PSMA1: variants seen among roughly 807,000 people sequenced by gnomAD.
PSMA1 encodes proteasome subunit alpha type-1.
PSMA1 carries 3 observed loss-of-function variants against 38.4 expected under a neutral mutation model. That is an observed-to-expected ratio of 0.08 (90% CI 0.04 to 0.20). The LOEUF (loss-of-function observed/expected upper bound fraction) is 0.20. PSMA1 is among the 10% of genes least tolerant of loss of function. PSMA1 has a pLI of 1.00. For synonymous variants in PSMA1, 101 were observed against 107.1 expected (o/e 0.94, Z 0.35); for missense variants, 227 against 325.3 (o/e 0.70, Z 2.32).
chr11:14,508,910 G>A (rs148593956), intron 8 of PSMA1, among the ~76,000 whole-genome samples: 1 of 101,222 alleles, frequency 9.9e-6, no homozygotes, highest in African/African-American at 3.9e-5. Flanking sequence ...ACCTCTCTCA[G>A]TCTTTTTTGC....
intron 2 of PSMA1, among the ~76,000 whole-genome samples, chr11:14,587,073 A>G (rs1398343905): frequency 6.6e-6 from 1 of 152,148 alleles, no homozygotes; most frequent in Non-Finnish European, 1.5e-5. Flanking sequence ...ATAGCCCCAA[A>G]TTAAATGCTA....
chr11:14,592,424 T>G (rs1852434479), intron 2 of PSMA1, among the ~76,000 whole-genome samples: 1 of 151,378 alleles, frequency 6.6e-6, no homozygotes, highest in South Asian at 2.1e-4. Context: ...CTCGCTTTGC[T>G]CCCCAGGCTG....
At chr11:14,639,991 T>C (rs2133728241) in intron 1 of PSMA1, among the ~76,000 whole-genome samples, 1 of 152,266 alleles carries the variant, frequency 6.6e-6, no homozygotes, top group South Asian at 2.1e-4. Flanking sequence ...CTTGCTTTCA[T>C]TAGACTAAGG....
intron 1 of PSMA1, among the ~76,000 whole-genome samples, chr11:14,638,627 G>T: frequency 1.1e-5 from 1 of 92,282 alleles, no homozygotes; most frequent in Non-Finnish European, 2.0e-5. Flanking sequence ...GGTGCGCTCT[G>T]CTTGTTGGCT....
At chr11:14,529,261 T>G (rs1851620917) in intron 2 of PSMA1, among the ~76,000 whole-genome samples, 1 of 152,226 alleles carries the variant, frequency 6.6e-6, no homozygotes, top group South Asian at 2.1e-4. Context: ...TGTTATTATG[T>G]TTAGCACCTA....
exon 1 of PSMA1, chr11:14,643,463 A>T (rs892572016): frequency 6.6e-6 from 1 of 152,328 alleles, no homozygotes; most frequent in Non-Finnish European, 1.5e-5. Flanking sequence ...ACCCTCAAAG[A>T]GAACCTGCAC....
chr11:14,548,928 AG>A (rs1247682538), intron 2 of PSMA1, among the ~76,000 whole-genome samples: 1 of 152,238 alleles, frequency 6.6e-6, no homozygotes, highest in Non-Finnish European at 1.5e-5. Context: ...ATTTCAGTAT[AG>A]AAAATAATGC....
chr11:14,561,516 G>A (rs768854799), intron 2 of PSMA1, among the ~76,000 whole-genome samples: 2 of 152,106 alleles, frequency 1.3e-5, no homozygotes, highest in African/African-American at 2.4e-5. Context: ...ATTTCTTTCT[G>A]GATTTCTGGT....
chr11:14,606,143 C>G (rs1852639889), intron 2 of PSMA1, among the ~76,000 whole-genome samples: 1 of 152,186 alleles, frequency 6.6e-6, no homozygotes, highest in Non-Finnish European at 1.5e-5. Context: ...GAGTCCTTTC[C>G]TCATTGCTTA....
rs552316574 is a variant in PSMA1 at position 14,592,476 on chromosome 11, C to G, written c.21+18490G>C. Among the ~76,000 whole-genome samples, 6 of 152,066 alleles carry G rather than the reference C, an allele frequency of 3.9e-5. No homozygotes were observed. In the East Asian group the frequency reaches 7.7e-4, roughly 20 times the overall value. On this transcript the variant is annotated intron_variant, in intron 2 of 10. Coordinates refer to the PSMA1 transcript ENST00000418988. Reference sequence around the variant, plus strand: ...TCTCTGCTCACTGCAAGCTCCACCTCCTGGTTTCACGCCATTCTCCTGCCT... The same window carrying G: ...TCTCTGCTCACTGCAAGCTCCACCTGCTGGTTTCACGCCATTCTCCTGCCT...
In PSMA1 at chr11:14,505,249, C is replaced by CT; in HGVS notation, c.736-2dup. On this transcript the variant is annotated splice_acceptor_variant, in intron 9 of 9. Coordinates refer to ENST00000396394, the MANE Select transcript of PSMA1 (RefSeq NM_002786.4). LOFTEE classifies it high-confidence loss of function. ...CAGGTTCATCAGCAGGTTGAGCAGGCTTAACAGGGAAAGAAAAAAAGAAAA... is the reference window on the plus strand; with the variant it reads ...CAGGTTCATCAGCAGGTTGAGCAGGCTTTAACAGGGAAAGAAAAAAAGAAAA... 6.2e-7 allele frequency: 1 copy of CT among 1,613,216 alleles called. No homozygotes were observed.
At chr11:14,539,057 AT>A (rs1027007151) in intron 2 of PSMA1, among the ~76,000 whole-genome samples, 1 of 152,208 alleles carries the variant, frequency 6.6e-6, no homozygotes, top group African/African-American at 2.4e-5. Context: ...AGTGGCAGCC[AT>A]TGTTTTCTTA....
At chr11:14,631,080 C>A (rs904176587) in intron 1 of PSMA1, among the ~76,000 whole-genome samples, 1 of 151,804 alleles carries the variant, frequency 6.6e-6, no homozygotes, top group African/African-American at 2.4e-5. Flanking sequence ...GTCTTGCTAG[C>A]GGTCTATGAA....
At chr11:14,633,818 A>C (rs886754782) in intron 1 of PSMA1, among the ~76,000 whole-genome samples, 6 of 152,154 alleles carry the variant, frequency 3.9e-5, no homozygotes, top group Non-Finnish European at 7.4e-5. Context: ...CCTCCGAGCC[A>C]GGTGCGGGAT....
At chr11:14,575,108 G>A (rs940566486) in intron 2 of PSMA1, among the ~76,000 whole-genome samples, 1 of 152,132 alleles carries the variant, frequency 6.6e-6, no homozygotes, top group African/African-American at 2.4e-5. Context: ...GAAACTTGTT[G>A]GGAACTGGAG....
At chr11:14,642,761 T>C (rs1001679878) in intron 1 of PSMA1, among the ~76,000 whole-genome samples, 5 of 152,146 alleles carry the variant, frequency 3.3e-5, no homozygotes, top group African/African-American at 1.2e-4. Flanking sequence ...TTTGGTGTAG[T>C]AAAGTTCTTT....
chr11:14,565,717 A>G (rs905861701), intron 2 of PSMA1, among the ~76,000 whole-genome samples: 1 of 152,206 alleles, frequency 6.6e-6, no homozygotes, highest in African/African-American at 2.4e-5. Flanking sequence ...ATATTCTAGC[A>G]GGGAGAGATA....
intron 2 of PSMA1, among the ~76,000 whole-genome samples, chr11:14,564,294 C>A (rs1852043698): frequency 6.6e-6 from 1 of 152,168 alleles, no homozygotes; most frequent in Non-Finnish European, 1.5e-5. Flanking sequence ...AATGGAATCA[C>A]ACAATGTGTA....
At chr11:14,515,933 T>G (rs1341854009) in intron 4 of PSMA1, among the ~76,000 whole-genome samples, 1 of 151,836 alleles carries the variant, frequency 6.6e-6, no homozygotes, top group Middle Eastern at 3.2e-3. Flanking sequence ...CTCACTCGGC[T>G]AGGTGCTGTG....
Sources: allele counts gnomAD v4.1 joint callset (sites outside exome capture counted in the v4.1 genomes callset), GRCh38; gene constraint gnomAD v4.1.1; transcripts MANE v1.5; gene names NCBI Gene and HGNC (gene_info 2026-07-23, HGNC 2026-07-21).